Variants in TUSC3 observed in about 807,000 individuals in gnomAD.
TUSC3 encodes dolichyl-diphosphooligosaccharide--protein glycosyltransferase subunit TUSC3.
Under a neutral mutation model 44.8 loss-of-function variants are expected in TUSC3, and 45 were observed. The observed-to-expected ratio is 1.00, with a 90% confidence interval of 0.79 to 1.29. TUSC3 has a LOEUF of 1.29. Among genes scored for constraint, TUSC3 ranks in the 50% most tolerant of loss-of-function variants. The pLI is 0.00. For missense variants in TUSC3, 519 were observed against 437.9 expected (o/e 1.19, Z -1.65); for synonymous variants, 212 against 152.9 (o/e 1.39, Z -2.85).
chr8:15,806,898 A>G, the TUSC3 span: 3 of 1,298,406 alleles, frequency 2.3e-6, no homozygotes, highest in Non-Finnish European at 3.4e-6. Context: ...TAAGACGCTT[A>G]CATCTGTTGA....
At chr8:15,468,255 T>C (rs1040462710) in intron 1 of TUSC3, among the ~76,000 whole-genome samples, 1 of 152,304 alleles carries the variant, frequency 6.6e-6, no homozygotes, top group Admixed American at 6.5e-5. Flanking sequence ...CACAGACAGC[T>C]GCTTAATGTG....
At chr8:15,708,905 G>T (rs1289944887) in intron 6 of TUSC3, among the ~76,000 whole-genome samples, 1 of 151,820 alleles carries the variant, frequency 6.6e-6, no homozygotes, top group Non-Finnish European at 1.5e-5. Context: ...GTGGAGTTAG[G>T]TGCCATAAAA....
chr8:15,734,317 C>T (rs1285402232), intron 7 of TUSC3, among the ~76,000 whole-genome samples: 2 of 152,000 alleles, frequency 1.3e-5, no homozygotes, highest in Admixed American at 6.6e-5. Context: ...ACAGATGGAG[C>T]ATTTTGTATC....
At chr8:15,810,534 A>G in the TUSC3 span, among the ~76,000 whole-genome samples, 1 of 151,940 alleles carries the variant, frequency 6.6e-6, no homozygotes, top group Non-Finnish European at 1.5e-5. Flanking sequence ...GCTACTTGGG[A>G]GGCTGAGGTG....
chr8:15,812,522 T>G, the TUSC3 span, among the ~76,000 whole-genome samples: 1 of 152,142 alleles, frequency 6.6e-6, no homozygotes, highest in South Asian at 2.1e-4. Context: ...TTGCAACCAA[T>G]TAGGTCACAG....
At chr8:15,621,306 G>C (rs964206805) in intron 1 of TUSC3, among the ~76,000 whole-genome samples, 1 of 151,318 alleles carries the variant, frequency 6.6e-6, no homozygotes, top group Non-Finnish European at 1.5e-5. Context: ...TTTTCTGTAA[G>C]GCAAAAACTA....
At chr8:15,567,914 T>G (rs1802735084) in intron 1 of TUSC3, among the ~76,000 whole-genome samples, 1 of 152,202 alleles carries the variant, frequency 6.6e-6, no homozygotes, top group Admixed American at 6.5e-5. Flanking sequence ...AAAGACACAT[T>G]GAGTAATGTG....
At chr8:15,573,280 A>G (rs1345417974) in intron 1 of TUSC3, among the ~76,000 whole-genome samples, 2 of 142,738 alleles carry the variant, frequency 1.4e-5, no homozygotes, top group African/African-American at 2.6e-5. Context: ...TGGGAGGCCT[A>G]GGATTATTCT....
Position 15,634,848 on chromosome 8 carries a change from A to C in TUSC3, c.308+11599A>C, listed in dbSNP as rs139936593. ...CCCAGATTATCAGATGTTCGTCTGG[A>C]GAGTTTTAGTATGAGAGATATAAGG... On this transcript the variant is annotated intron_variant, in intron 2 of 10. Transcript: ENST00000503731. Among the ~76,000 whole-genome samples, 543 of 152,254 alleles carry C rather than the reference A, an allele frequency of 3.6e-3. 6 individuals carry two copies. The highest frequency in any genetic ancestry group is 0.013 in the African/African-American group (524 of 41,542).
At chr8:15,810,755 T>C in the TUSC3 span, among the ~76,000 whole-genome samples, 1 of 152,160 alleles carries the variant, frequency 6.6e-6, no homozygotes, top group African/African-American at 2.4e-5. Flanking sequence ...CCCTGCAAAG[T>C]TGTCTTTTGT....
intron 1 of TUSC3, among the ~76,000 whole-genome samples, chr8:15,550,274 A>G (rs780064110): frequency 6.6e-6 from 1 of 151,756 alleles, no homozygotes; most frequent in African/African-American, 2.4e-5. Flanking sequence ...GCATAAGACA[A>G]TATGATGGGT....
At chr8:15,828,718 T>C in the TUSC3 span, among the ~76,000 whole-genome samples, 1 of 152,240 alleles carries the variant, frequency 6.6e-6, no homozygotes, top group Non-Finnish European at 1.5e-5. Context: ...TTCTCTGTGA[T>C]ACCACAGACA....
intron 1 of TUSC3, among the ~76,000 whole-genome samples, chr8:15,463,236 A>AT (rs1310327468): frequency 6.6e-6 from 1 of 152,104 alleles, no homozygotes; most frequent in Non-Finnish European, 1.5e-5. Flanking sequence ...CTTAGCATGA[A>AT]TTTTAAATAA....
chr8:15,468,146 T>C (rs2129122640), intron 1 of TUSC3, among the ~76,000 whole-genome samples: 1 of 152,226 alleles, frequency 6.6e-6, no homozygotes, highest in Admixed American at 6.5e-5. Context: ...AATTGAAGAG[T>C]ATCATATAAT....
chr8:15,650,920 GCGGAGGTTGCAGTGAGC>G (rs1458409916), intron 3 of TUSC3, 106 bp downstream of exon 3: 55 of 1,254,682 alleles, frequency 4.4e-5, no homozygotes, highest in Non-Finnish European at 6.2e-5. Flanking sequence ...AACCTGGGAG[GCGGAGGTTGCAGTGAGC>G]CGAGATTGTG....
upstream of TUSC3, among the ~76,000 whole-genome samples, chr8:15,539,877 A>C (rs1801613634): frequency 6.6e-6 from 1 of 152,050 alleles, no homozygotes; most frequent in South Asian, 2.1e-4. Context: ...CTCTGGAGTT[A>C]GATGGTTTCC....
chr8:15,525,486 C>G (rs755558747), intron 2 of TUSC3, among the ~76,000 whole-genome samples: 1 of 152,162 alleles, frequency 6.6e-6, no homozygotes, highest in Admixed American at 6.5e-5. Context: ...CTTCAATGTT[C>G]TCAGTTTTAA....
chr8:15,544,493 A>C (rs1801798563), intron 1 of TUSC3, among the ~76,000 whole-genome samples: 1 of 151,812 alleles, frequency 6.6e-6, no homozygotes, highest in African/African-American at 2.4e-5. Context: ...AAAATTGAAG[A>C]GCTCATGTTT....
In TUSC3 at chr8:15,572,145, A is replaced by G. The variant is rs569183433; in HGVS notation, c.138+31577A>G. On this transcript the variant is annotated intron_variant, in intron 1 of 10. Coordinates refer to ENST00000503731, the MANE Select transcript of TUSC3 (RefSeq NM_006765.4). ...CTCTCTAGCCATGGCATCGCCTTCC[A>G]GTAGAAGGATGTTTAGTCTACTCTG... 7.9e-5 allele frequency among the ~76,000 whole-genome samples: 12 copies of G among 152,288 alleles called. No individual in the cohort carries two copies. In the South Asian group the frequency reaches 2.5e-3, roughly 32 times the overall value.
Sources: gnomAD v4.1 joint callset for allele counts (sites outside exome capture counted in the v4.1 genomes callset) on GRCh38, gnomAD v4.1.1 for gene constraint, MANE v1.5 for transcripts, NCBI Gene and HGNC (gene_info 2026-07-23, HGNC 2026-07-21) for gene names.